The following RBFOX1 variants were observed in gnomAD, a reference collection of about 807,000 sequenced individuals.
RBFOX1 encodes RNA binding fox-1 homolog 1.
Under a neutral mutation model 57.7 loss-of-function variants are expected in RBFOX1, and 8 were observed. That is an observed-to-expected ratio of 0.14 (90% CI 0.08 to 0.25). RBFOX1 has a LOEUF of 0.25. Among genes scored for constraint, RBFOX1 ranks in the 10% least tolerant of loss-of-function variants. RBFOX1 has a pLI of 1.00. For synonymous variants in RBFOX1, 326 were observed against 222.4 expected (o/e 1.47, Z -4.15); for missense variants, 611 against 548.5 (o/e 1.11, Z -1.14).
At chr16:7,377,533 C>T (rs1319028317) in intron 4 of RBFOX1, among the ~76,000 whole-genome samples, 4 of 152,068 alleles carry the variant, frequency 2.6e-5, no homozygotes, top group Admixed American at 2.0e-4. Flanking sequence ...GAATTTAAAC[C>T]CTTGTGCTCT....
chr16:6,529,515 C>T (rs187169532), intron 2 of RBFOX1, among the ~76,000 whole-genome samples: 1 of 152,006 alleles, frequency 6.6e-6, no homozygotes, highest in Admixed American at 6.6e-5. Context: ...GTCGACATTG[C>T]ACCACTGCAC....
chr16:6,068,200 T>C (rs887103766), intron 1 of RBFOX1, among the ~76,000 whole-genome samples: 3 of 152,212 alleles, frequency 2.0e-5, no homozygotes, highest in Non-Finnish European at 4.4e-5. Flanking sequence ...AGATCATACA[T>C]ACCTGGCTTG....
chr16:7,114,676 C>G lies in RBFOX1; in HGVS notation c.27+62578C>G, dbSNP rs188929644. 3.1e-3 allele frequency among the ~76,000 whole-genome samples: 472 copies of G among 152,322 alleles called. 3 individuals are homozygous for G. The highest frequency in any genetic ancestry group is 2.5e-3 in the Non-Finnish European group (170 of 68,022). Reference sequence around the variant, plus strand: ...AGTGCCTCATGCCTTCTTCCCCTGCCTCTCTGGAAATGAGAGTCCTTGTGC... The same window carrying G: ...AGTGCCTCATGCCTTCTTCCCCTGCGTCTCTGGAAATGAGAGTCCTTGTGC... On this transcript the variant is annotated intron_variant, in intron 4 of 15. Transcript: ENST00000550418.
At chr16:6,144,858 T>C (rs746607789) in intron 1 of RBFOX1, among the ~76,000 whole-genome samples, 19 of 152,190 alleles carry the variant, frequency 1.2e-4, no homozygotes, top group Non-Finnish European at 2.1e-4. Context: ...ATCATCCCTC[T>C]TATGCAAGTG....
At chr16:5,631,362 G>C (rs1262099376) in intron 3 of RBFOX1, among the ~76,000 whole-genome samples, 1 of 152,124 alleles carries the variant, frequency 6.6e-6, no homozygotes, top group African/African-American at 2.4e-5. Context: ...TTCAAGACCA[G>C]CCTGGCCAAT....
At chr16:6,657,973 G>T (rs1297946098) in intron 3 of RBFOX1, among the ~76,000 whole-genome samples, 1 of 151,776 alleles carries the variant, frequency 6.6e-6, no homozygotes, top group African/African-American at 2.4e-5. Flanking sequence ...TTCGTTTCCA[G>T]ATATTCCACA....
chr16:6,024,498 C>CT (rs148599657), intron 1 of RBFOX1, among the ~76,000 whole-genome samples: 4,687 of 151,930 alleles, frequency 0.031, 218 homozygotes, highest in African/African-American at 0.11. Context: ...TCTCCGCTTT[C>CT]TTTTTTTTGA....
intron 4 of RBFOX1, among the ~76,000 whole-genome samples, chr16:7,407,150 G>A (rs1295047826): frequency 6.6e-6 from 1 of 152,082 alleles, no homozygotes; most frequent in Non-Finnish European, 1.5e-5. Context: ...TGCGATTTTG[G>A]TGTGCCCATC....
chr16:6,896,013 T>C (rs890022598), intron 3 of RBFOX1, among the ~76,000 whole-genome samples: 5 of 152,140 alleles, frequency 3.3e-5, no homozygotes, highest in African/African-American at 1.2e-4. Flanking sequence ...TCATGAAGAA[T>C]GGGATATCCA....
intron 2 of RBFOX1, among the ~76,000 whole-genome samples, chr16:6,556,757 ATAAAT>A (rs1295151609): frequency 6.6e-6 from 1 of 152,122 alleles, no homozygotes; most frequent in Non-Finnish European, 1.5e-5. Flanking sequence ...GTGGCAGAAA[ATAAAT>A]TAATAGTAAA....
chr16:7,215,450 A>G (rs150588859), intron 4 of RBFOX1, among the ~76,000 whole-genome samples: 78 of 152,312 alleles, frequency 5.1e-4, no homozygotes, highest in African/African-American at 1.8e-3. Flanking sequence ...TGGATAAGGA[A>G]AATGTAGCAC....
In RBFOX1 at chr16:6,769,733, A is replaced by T. The variant is rs115233000; in HGVS notation, c.-16+115083A>T. Reference sequence around the variant, plus strand: ...CTTCTGTGGCTTGATCTTGGCTGATAATTTGGGTACAAATCTAACAAAGGC... The same window carrying T: ...CTTCTGTGGCTTGATCTTGGCTGATTATTTGGGTACAAATCTAACAAAGGC... On this transcript the variant is annotated intron_variant, in intron 3 of 15. Transcript: ENST00000550418. Among the ~76,000 whole-genome samples, 1,393 of 152,234 alleles carry T rather than the reference A, an allele frequency of 9.2e-3. 24 individuals are homozygous for T. The highest frequency in any genetic ancestry group is 0.032 in the African/African-American group (1,321 of 41,542).
In RBFOX1 at chr16:7,578,838, G is replaced by C. The variant is rs2093532071; in HGVS notation, c.271-939G>C. ...AAACTCTAGAACCGAGAGTATGGCA[G>C]TGGCTATAATGATACCTAATGTGAC... On this transcript the variant is annotated intron_variant, in intron 5 of 15. Transcript: ENST00000550418. Among the ~76,000 whole-genome samples, 7 of 152,350 alleles carry C rather than the reference G, an allele frequency of 4.6e-5. 1 individual carries two copies. The South Asian group carries it at 1.4e-3, about 32-fold the overall frequency.
downstream of RBFOX1, among the ~76,000 whole-genome samples, chr16:5,603,396 G>A (rs1383841887): frequency 2.0e-5 from 3 of 152,280 alleles, no homozygotes; most frequent in Middle Eastern, 3.4e-3. Flanking sequence ...TAGCTAATGG[G>A]GAAGCAGTCT....
At chr16:6,018,900 G>A (rs1647360983), upstream of RBFOX1, among the ~76,000 whole-genome samples, 1 of 151,980 alleles carries the variant, frequency 6.6e-6, no homozygotes, top group South Asian at 2.1e-4. Flanking sequence ...CTTTAGGCCA[G>A]GAGACCAGGG....
chr16:6,643,365 C>T (rs1023955555), intron 2 of RBFOX1, among the ~76,000 whole-genome samples: 1 of 152,128 alleles, frequency 6.6e-6, no homozygotes, highest in African/African-American at 2.4e-5. Flanking sequence ...ACATTTTATA[C>T]TATTCTTCAT....
intron 3 of RBFOX1, among the ~76,000 whole-genome samples, chr16:7,011,501 C>A (rs1298259069): frequency 6.6e-6 from 1 of 151,332 alleles, no homozygotes; most frequent in Non-Finnish European, 1.5e-5. Context: ...TTTTGTTGTG[C>A]GTTTGTTTTG....
intron 3 of RBFOX1, among the ~76,000 whole-genome samples, chr16:7,046,088 A>C (rs1328819465): frequency 6.6e-6 from 1 of 151,064 alleles, no homozygotes; most frequent in Non-Finnish European, 1.5e-5. Context: ...GTATGTCACA[A>C]AGGATAGTTT....
intron 3 of RBFOX1, among the ~76,000 whole-genome samples, chr16:5,852,957 G>A (rs115022729): frequency 1.5e-3 from 230 of 152,224 alleles, no homozygotes; most frequent in African/African-American, 5.4e-3. Context: ...TGTGCGTTAC[G>A]CTCTGAGTTA....
Sources: allele counts gnomAD v4.1 joint callset (sites outside exome capture counted in the v4.1 genomes callset), GRCh38; gene constraint gnomAD v4.1.1; transcripts MANE v1.5; gene names NCBI Gene and HGNC (gene_info 2026-07-23, HGNC 2026-07-21).